The following UGT3A1 variants were observed in gnomAD, a reference collection of about 807,000 sequenced individuals.
UGT3A1 encodes UDP-glycosyltransferase 3A1.
In UGT3A1, 40 loss-of-function variants were observed where a neutral mutation model predicts 37.6. The observed-to-expected ratio is 1.06, with a 90% CI of 0.83 to 1.38. UGT3A1 has a LOEUF of 1.38. Ranked by LOEUF, UGT3A1 falls within the 40% of genes most tolerant of loss-of-function variation. UGT3A1 has a pLI of 0.00. For synonymous variants in UGT3A1, 256 were observed against 232.3 expected (o/e 1.10, Z -0.93); for missense variants, 642 against 634.2 (o/e 1.01, Z -0.13).
chr5:35,997,572 G>C (rs1055218791), intron 1 of UGT3A1, among the ~76,000 whole-genome samples: 27 of 151,938 alleles, frequency 1.8e-4, no homozygotes, highest in Admixed American at 1.2e-3. Flanking sequence ...GATTACAGGC[G>C]CCTGCCATTA....
At chr5:35,996,396 C>T (rs570052281), upstream of UGT3A1, among the ~76,000 whole-genome samples, 1 of 152,290 alleles carries the variant, frequency 6.6e-6, no homozygotes, top group East Asian at 1.9e-4. Context: ...TAAACCCCAC[C>T]TTATTTAGAA....
intron 2 of UGT3A1, among the ~76,000 whole-genome samples, chr5:35,985,079 T>TA (rs59401195): frequency 0.07 from 8,071 of 115,992 alleles, 487 homozygotes; most frequent in East Asian, 0.24. Flanking sequence ...ACATAAAATA[T>TA]AAAAAAAAAA....
In UGT3A1 at chr5:35,954,132, G is replaced by C; in HGVS notation, c.*70C>G. The C allele has an allele frequency of 6.6e-7, 1 of 1,514,252 alleles. No homozygotes were observed. Among genetic ancestry groups the C allele is most frequent in the Non-Finnish European group, 9.0e-7 (1 of 1,110,164 alleles). 93.8% of individuals were successfully genotyped at this position (1,514,252 alleles called of 1,614,324 possible). On this transcript the variant is annotated 3_prime_UTR_variant, in exon 7 of 7. Transcript: ENST00000274278. ...GCTGAAGAGAGAACAGAGGGGTGGCGTGTGCTGGGGTGGGGAGAACCTTCA... is the reference window on the plus strand; with the variant it reads ...GCTGAAGAGAGAACAGAGGGGTGGCCTGTGCTGGGGTGGGGAGAACCTTCA...
At chr5:35,964,207 A>T (rs1417840437) in intron 4 of UGT3A1, among the ~76,000 whole-genome samples, 1 of 152,118 alleles carries the variant, frequency 6.6e-6, no homozygotes, top group East Asian at 1.9e-4. Flanking sequence ...AACTCCCATT[A>T]TTCTCTTCCT....
chr5:35,965,668 G>C lies in UGT3A1; in HGVS notation c.561C>G (p.Phe187Leu), dbSNP rs1225758225. The C allele has an allele frequency of 2.5e-6, 4 of 1,614,058 alleles. No individual in the cohort carries two copies. The highest frequency in any genetic ancestry group is 1.3e-5 in the African/African-American group (1 of 74,914). Residue 187 changes from phenylalanine to leucine, a missense_variant, in exon 4 of 7, where the codon TTC (phenylalanine) becomes TTG (leucine). Physicochemically the swap from Phe to Leu is conservative, Grantham distance 22 (BLOSUM62 0). Transcript: ENST00000274278. ...CCATGTGATCAGTCAGCAAGGAAGG[G>C]AATACTGGAACATAAGACAAGGGGC... ...LPSPLSYVPV[F>L]PSLLTDHMDF...
intron 2 of UGT3A1, among the ~76,000 whole-genome samples, chr5:35,985,448 C>A (rs1013129475): frequency 6.6e-6 from 1 of 152,140 alleles, no homozygotes; most frequent in Non-Finnish European, 1.5e-5. Flanking sequence ...AACTACATGA[C>A]TTCAAAATAT....
intron 2 of UGT3A1, among the ~76,000 whole-genome samples, chr5:35,975,003 T>C (rs1457647583): frequency 6.6e-6 from 1 of 152,216 alleles, no homozygotes; most frequent in East Asian, 1.9e-4. Flanking sequence ...AGGTATGTTA[T>C]AAGACCTATC....
At position 35,958,442 on chromosome 5, in the gene UGT3A1, A is replaced by G. The variant is rs952783110; in HGVS notation, c.844-1023T>C. Among the ~76,000 whole-genome samples the G allele has an allele frequency of 7.9e-5, 12 of 152,218 alleles. 1 individual carries two copies. In the South Asian group the frequency reaches 8.3e-4, roughly 10 times the overall value. ...TGTGTAGGATAACTTGATTCCATCC[A>G]GCATAACACTGCCTGAACTACCATC... On this transcript the variant is annotated intron_variant, in intron 4 of 6. Transcript: ENST00000274278.
chr5:35,955,953 T>C (rs1739341075), intron 5 of UGT3A1, 89 bp from the exon 6 acceptor site: 2 of 1,290,746 alleles, frequency 1.5e-6, no homozygotes, highest in Non-Finnish European at 2.2e-6. Context: ...GAAACACCAA[T>C]GAAATCAAGG....
At chr5:35,977,851 C>T (rs888244006) in intron 2 of UGT3A1, among the ~76,000 whole-genome samples, 1 of 152,108 alleles carries the variant, frequency 6.6e-6, no homozygotes, top group African/African-American at 2.4e-5. Context: ...CAAACTAACT[C>T]ATAGTGATAT....
At position 35,991,227 on chromosome 5, in the gene UGT3A1, C is replaced by T. The variant is rs1740939492; in HGVS notation, c.14G>A (p.Arg5Gln). The T allele has an allele frequency of 1.9e-6, 3 of 1,614,112 alleles. No individual in the cohort carries two copies. The highest frequency in any genetic ancestry group is 2.5e-6 in the Non-Finnish European group (3 of 1,180,040). Residue 5 changes from arginine to glutamine, a missense_variant, in exon 1 of 7, where the codon CGG becomes CAG. Transcript: ENST00000274278. Reference sequence around the variant, plus strand: ...AAGGAAGGCCACTAGAAGCAGCACCCGCTGCCCAACCATGCTCACTTCCAC... The same window carrying T: ...AAGGAAGGCCACTAGAAGCAGCACCTGCTGCCCAACCATGCTCACTTCCAC... MVGQ[R>Q]VLLLVAFLLS... is the part of the protein sequence containing the mutation.
At chr5:35,963,915 T>G (rs1291890320) in intron 4 of UGT3A1, among the ~76,000 whole-genome samples, 1 of 152,350 alleles carries the variant, frequency 6.6e-6, no homozygotes, top group Non-Finnish European at 1.5e-5. Context: ...GAAACCACTT[T>G]GTTCTGAATC....
In UGT3A1 at chr5:35,955,652, C is replaced by T. The variant is rs764377459; in HGVS notation, c.1288G>A (p.Asp430Asn). 5.6e-6 allele frequency: 9 copies of T among 1,614,088 alleles called. No homozygotes were observed. Among genetic ancestry groups the T allele is most frequent in the African/African-American group, 1.3e-5 (1 of 74,932 alleles). ...GCTTAGAGAGCCACATACCTCTTGT[C>T]TTCTATGACTTGTTTCATTGTAAGT... ...LTLTMKQVIEDKRYKSAVVAA... is the reference protein window; with the variant it reads ...LTLTMKQVIENKRYKSAVVAA... The change falls in exon 6 of 7, where the codon GAC becomes AAC. Residue 430 changes from aspartate to asparagine, a missense_variant. Physicochemically the swap from Asp to Asn is conservative, Grantham distance 23 (BLOSUM62 1). Transcript: ENST00000274278.
intron 5 of UGT3A1, 64 bp from the exon 6 acceptor site, chr5:35,955,928 G>A: frequency 6.5e-7 from 1 of 1,527,652 alleles, no homozygotes; most frequent in Non-Finnish European, 9.0e-7. Context: ...ACCAGGTAAA[G>A]CAGAAAAGTC....
chr5:35,985,092 A>G (rs975482722), intron 2 of UGT3A1, among the ~76,000 whole-genome samples: 6 of 149,872 alleles, frequency 4.0e-5, no homozygotes, highest in African/African-American at 1.5e-4. Context: ...AAAAAAAAAA[A>G]AAAGAAATTC....
At chr5:35,994,730 G>T (rs1258392163), upstream of UGT3A1, among the ~76,000 whole-genome samples, 2 of 152,138 alleles carry the variant, frequency 1.3e-5, no homozygotes, top group Non-Finnish European at 2.9e-5. Flanking sequence ...AGCTAGGTCT[G>T]CAAGCAGCAC....
Position 35,997,696 on chromosome 5 carries a change from A to AT in UGT3A1, c.-159-368dup, listed in dbSNP as rs1441474376. On this transcript the variant is annotated intron_variant, in intron 1 of 5. Coordinates refer to the UGT3A1 transcript ENST00000625798. ...CACCTCGGCCTCCCAAAGTGCTGGG[A>AT]TTACAGGCATGAGCCACAGCACCCA... 6.6e-5 allele frequency among the ~76,000 whole-genome samples: 10 copies of AT among 152,308 alleles called. No individual in the cohort carries two copies. In the East Asian group the frequency reaches 1.9e-3, roughly 29 times the overall value.
upstream of UGT3A1, among the ~76,000 whole-genome samples, chr5:35,993,247 C>T (rs1233736244): frequency 6.6e-6 from 1 of 152,078 alleles, no homozygotes; most frequent in Admixed American, 6.6e-5. Context: ...GGGTGGATCA[C>T]AAGGTCAGGA....
chr5:35,970,984 T>C (rs1740012018), intron 2 of UGT3A1, among the ~76,000 whole-genome samples: 1 of 151,918 alleles, frequency 6.6e-6, no homozygotes, highest in Non-Finnish European at 1.5e-5. Context: ...TACTTTGCAA[T>C]CATAGATTTG....
Sources: allele counts gnomAD v4.1 joint callset (sites outside exome capture counted in the v4.1 genomes callset), GRCh38; gene constraint gnomAD v4.1.1; transcripts MANE v1.5; gene names NCBI Gene and HGNC (gene_info 2026-07-23, HGNC 2026-07-21).